Variants in AKAP6 observed in about 807,000 individuals in gnomAD.
AKAP6 encodes A-kinase anchor protein 6.
AKAP6 carries 58 observed loss-of-function variants against 188.5 expected under a neutral mutation model. That is an observed-to-expected ratio of 0.31 (90% CI 0.25 to 0.38). The LOEUF (loss-of-function observed/expected upper bound fraction) is 0.38. Among genes scored for constraint, AKAP6 ranks in the 10% least tolerant of loss-of-function variants. The pLI, the probability that AKAP6 is intolerant of heterozygous loss-of-function variation, is 1.00. For synonymous variants in AKAP6, 989 were observed against 998.6 expected, an observed-to-expected ratio of 0.99 and a Z score of 0.18; for missense variants, 2,710 against 2,740.0, an observed-to-expected ratio of 0.99 and a Z score of 0.24.
In AKAP6 at chr14:32,546,976, G is replaced by A; in HGVS notation, c.2323G>A (p.Glu775Lys). The A allele has an allele frequency of 6.3e-7, 1 of 1,598,786 alleles. No individual in the cohort carries two copies. The highest frequency in any genetic ancestry group is 2.2e-5 in the East Asian group (1 of 44,814). Residue 775 changes from glutamate (E) to lysine (K), a missense_variant, in exon 4 of 14, where the codon GAA becomes AAA. Physicochemically the swap from Glu to Lys is moderately conservative, Grantham distance 56. Coordinates refer to ENST00000280979, the MANE Select transcript of AKAP6 (RefSeq NM_004274.5). The part of the protein sequence containing the change: ...MQDIQHQDNY[E>K]AIWEKIEGFV... ...AGATATTCAGCACCAAGACAACTATGAAGCCATATGGGAAAAAATAGAGGT... is the reference window on the plus strand; with the variant it reads ...AGATATTCAGCACCAAGACAACTATAAAGCCATATGGGAAAAAATAGAGGT...
chr14:32,822,370 A>G lies in AKAP6; in HGVS notation c.4557A>G (p.Gln1519=), dbSNP rs757733738. Residue 1519 remains glutamine (Q), a synonymous_variant, in exon 13 of 14, where the codon CAA becomes CAG. Transcript: ENST00000280979. ...CTAAACATCAGACTACAGAGTTACA[A>G]CCAGATGTACCTCCCCATGAAAGGA... ...CKSKHQTTEL[Q]PDVPPHERIL... 2 of 1,613,996 alleles carry G rather than the reference A, an allele frequency of 1.2e-6. No individual in the cohort carries two copies. The highest frequency in any genetic ancestry group is 1.7e-6 in the Non-Finnish European group (2 of 1,179,942).
rs2034871638 is a variant in AKAP6, at chr14:32,836,018, AT to A, written c.*6215del. 2 of 152,240 alleles carry A rather than the reference AT, an allele frequency of 1.3e-5. No homozygotes were observed. The highest frequency in any genetic ancestry group is 2.9e-5 in the Non-Finnish European group (2 of 68,042). 9.4% of individuals were successfully genotyped at this position (152,240 alleles called of 1,614,324 possible). On this transcript the variant is annotated 3_prime_UTR_variant, in exon 14 of 14. Coordinates refer to ENST00000280979, the MANE Select transcript of AKAP6 (RefSeq NM_004274.5). ...TGCCGTAAGACCATTCTGGCCCTTGATTAATGGGTTCTCACCAAAGCAGAAA... is the reference window on the plus strand; with the variant it reads ...TGCCGTAAGACCATTCTGGCCCTTGATAATGGGTTCTCACCAAAGCAGAAA...
At chr14:32,653,175 G>C (rs771855253) in intron 7 of AKAP6, among the ~76,000 whole-genome samples, 1 of 152,154 alleles carries the variant, frequency 6.6e-6, no homozygotes, top group African/African-American at 2.4e-5. Flanking sequence ...GTTTGGCCTC[G>C]AGTTAGGTAT....
At chr14:32,471,367 T>C (rs1180098975) in intron 2 of AKAP6, among the ~76,000 whole-genome samples, 1 of 152,210 alleles carries the variant, frequency 6.6e-6, no homozygotes, top group Non-Finnish European at 1.5e-5. Flanking sequence ...GTAGAAGTCA[T>C]CTGATCCATG....
chr14:32,615,033 G>A (rs1037372204), intron 7 of AKAP6, among the ~76,000 whole-genome samples: 7 of 151,602 alleles, frequency 4.6e-5, no homozygotes, highest in Admixed American at 3.3e-4. Flanking sequence ...GCTGGGCGTG[G>A]TGGTGCACAC....
At chr14:32,491,623 A>G (rs1160377843) in intron 2 of AKAP6, among the ~76,000 whole-genome samples, 6 of 152,160 alleles carry the variant, frequency 3.9e-5, no homozygotes, top group Admixed American at 2.6e-4. Context: ...GCACATGACA[A>G]CCTCTCTGGA....
At chr14:32,673,889 C>T (rs1889323508) in intron 7 of AKAP6, among the ~76,000 whole-genome samples, 1 of 151,642 alleles carries the variant, frequency 6.6e-6, no homozygotes, top group Non-Finnish European at 1.5e-5. Flanking sequence ...AGTTTGGGGT[C>T]TAGAAAAAGA....
intron 1 of AKAP6, among the ~76,000 whole-genome samples, chr14:32,349,823 A>G (rs1434680373): frequency 6.6e-6 from 1 of 152,182 alleles, no homozygotes; most frequent in Non-Finnish European, 1.5e-5. Flanking sequence ...GCAGGGAAAC[A>G]TTTTAGATGT....
intron 1 of AKAP6, among the ~76,000 whole-genome samples, chr14:32,346,986 G>C (rs1432116337): frequency 6.6e-6 from 1 of 152,162 alleles, no homozygotes; most frequent in Non-Finnish European, 1.5e-5. Flanking sequence ...ATATTTATTA[G>C]ACTAGCATTA....
intron 2 of AKAP6, among the ~76,000 whole-genome samples, chr14:32,449,933 G>A (rs1201713293): frequency 6.6e-6 from 1 of 152,128 alleles, no homozygotes; most frequent in African/African-American, 2.4e-5. Flanking sequence ...AGCTTTTAAT[G>A]GCTGGAATGG....
intron 11 of AKAP6, among the ~76,000 whole-genome samples, chr14:32,756,329 G>A (rs2032332152): frequency 6.6e-6 from 1 of 152,092 alleles, no homozygotes; most frequent in Admixed American, 6.5e-5. Context: ...GGGTCTTTGG[G>A]GATAGGCCTG....
rs2034866453 is a variant in AKAP6, at chr14:32,835,492, C to T, written c.*5687C>T. 1 of 152,210 alleles carries T rather than the reference C, an allele frequency of 6.6e-6. No homozygotes were observed. Among genetic ancestry groups the T allele is most frequent in the Admixed American group, 6.5e-5 (1 of 15,284 alleles). 9.4% of individuals were successfully genotyped at this position (152,210 alleles called of 1,614,324 possible). A position where few individuals can be genotyped will look rare whatever the true frequency, so the allele number is the denominator to read the frequency against. ...CATCAGAAAAATTGACACAAACTCA[C>T]TTCCATGCACCAGTAAACTGGAATC... On this transcript the variant is annotated 3_prime_UTR_variant, in exon 14 of 14. Transcript: ENST00000280979.
At chr14:32,699,280 A>G (rs144882705) in intron 9 of AKAP6, among the ~76,000 whole-genome samples, 4 of 152,338 alleles carry the variant, frequency 2.6e-5, no homozygotes, top group Admixed American at 2.6e-4. Context: ...CTATCCACTC[A>G]GCAGATATCC....
At chr14:32,578,279 G>A (rs1279921141) in intron 5 of AKAP6, among the ~76,000 whole-genome samples, 2 of 152,070 alleles carry the variant, frequency 1.3e-5, no homozygotes, top group Non-Finnish European at 1.5e-5. Context: ...GTTTTTTGCA[G>A]CATGTTTATA....
intron 11 of AKAP6, among the ~76,000 whole-genome samples, chr14:32,737,099 G>A (rs968845727): frequency 2.6e-5 from 4 of 152,084 alleles, no homozygotes; most frequent in Admixed American, 2.0e-4. Flanking sequence ...GCAGGGAGAT[G>A]GAATCTTCAG....
At chr14:32,588,171 AG>A (rs2139308887) in intron 5 of AKAP6, among the ~76,000 whole-genome samples, 1 of 152,368 alleles carries the variant, frequency 6.6e-6, no homozygotes, top group East Asian at 1.9e-4. Context: ...ATACACTTTA[AG>A]GATTATTTAG....
chr14:32,358,664 G>A (rs1486609649), intron 1 of AKAP6, among the ~76,000 whole-genome samples: 2 of 152,086 alleles, frequency 1.3e-5, no homozygotes, highest in Admixed American at 1.3e-4. Flanking sequence ...CTGAGGATAC[G>A]TGCAGGTTGT....
At position 32,483,007 on chromosome 14, in the gene AKAP6, A is replaced by ATGTGTGTGTG. The variant is rs796833606; in HGVS notation, c.324+49191_324+49192insGTGTGTGTGT. Among the ~76,000 whole-genome samples the ATGTGTGTGTG allele has an allele frequency of 6.0e-3, 887 of 147,670 alleles. 23 individuals are homozygous for ATGTGTGTGTG. Among genetic ancestry groups the ATGTGTGTGTG allele is most frequent in the Admixed American group, 0.033 (485 of 14,704 alleles). Reference sequence around the variant, plus strand: ...TGTGTGTGTATATATATATATATATATATATGTATCTTGCATTGGTAATTT... The same window carrying ATGTGTGTGTG: ...TGTGTGTGTATATATATATATATATATGTGTGTGTGTATATGTATCTTGCATTGGTAATTT... On this transcript the variant is annotated intron_variant, in intron 2 of 13. Coordinates refer to ENST00000280979, the MANE Select transcript of AKAP6 (RefSeq NM_004274.5).
At chr14:32,622,681 C>T (rs1886864413) in intron 7 of AKAP6, among the ~76,000 whole-genome samples, 2 of 152,124 alleles carry the variant, frequency 1.3e-5, no homozygotes, top group South Asian at 4.1e-4. Flanking sequence ...TTTCTAAACT[C>T]ATATAGTTGC....
Sources: gnomAD v4.1 joint callset for allele counts (sites outside exome capture counted in the v4.1 genomes callset) on GRCh38, gnomAD v4.1.1 for gene constraint, MANE v1.5 for transcripts, NCBI Gene and HGNC (gene_info 2026-07-23, HGNC 2026-07-21) for gene names.